SLC35F2: variants seen among roughly 807,000 people sequenced by gnomAD.
The protein encoded by SLC35F2 is queuine/queuosine transporter SLC35F2.
In SLC35F2, 25 loss-of-function variants were observed where a neutral mutation model predicts 38.1. That is an observed-to-expected ratio of 0.66 (90% CI 0.48 to 0.92). The LOEUF (loss-of-function observed/expected upper bound fraction) is 0.92, where lower values mean the gene tolerates loss of function less well. SLC35F2 is among the 40% of genes least tolerant of loss of function. The pLI, the probability that SLC35F2 is intolerant of heterozygous loss-of-function variation, is 0.00. For missense variants in SLC35F2, 409 were observed against 452.9 expected (o/e 0.90, Z 0.88); for synonymous variants, 173 against 181.7 (o/e 0.95, Z 0.38).
chr11:107,845,431 G>T (rs147929302), intron 1 of SLC35F2, among the ~76,000 whole-genome samples: 2 of 151,802 alleles, frequency 1.3e-5, no homozygotes, highest in African/African-American at 4.8e-5. Context: ...TGAGGCTGGA[G>T]GATTGCTTGA....
intron 1 of SLC35F2, among the ~76,000 whole-genome samples, chr11:107,843,858 AAAAAAAAAAAAT>A (rs1170601231): frequency 2.5e-5 from 1 of 39,322 alleles, no homozygotes; most frequent in African/African-American, 7.9e-5. Flanking sequence ...AAAAAAAAAA[AAAAAAAAAAAAT>A]ATATATATAT....
At chr11:107,822,169 G>A (rs1347476983) in intron 1 of SLC35F2, among the ~76,000 whole-genome samples, 2 of 152,176 alleles carry the variant, frequency 1.3e-5, no homozygotes, top group East Asian at 1.9e-4. Context: ...CTTGAACCCA[G>A]GAGGCAGAGG....
chr11:107,793,105 C>T (rs1353790300), intron 7 of SLC35F2, among the ~76,000 whole-genome samples: 1 of 151,820 alleles, frequency 6.6e-6, no homozygotes, highest in African/African-American at 2.4e-5. Flanking sequence ...TCTGTAGAGA[C>T]GGGGTTTTTC....
chr11:107,838,473 C>T (rs1460429003), intron 1 of SLC35F2, among the ~76,000 whole-genome samples: 1 of 151,280 alleles, frequency 6.6e-6, no homozygotes, highest in Non-Finnish European at 1.5e-5. Context: ...TACAGGCGCC[C>T]GCCACCACGC....
chr11:107,804,773 A>G lies in SLC35F2; in HGVS notation c.732-3T>C, dbSNP rs1015001786. 4.4e-6 allele frequency: 7 copies of G among 1,604,064 alleles called. No homozygotes were observed. Among genetic ancestry groups the G allele is most frequent in the East Asian group, 2.3e-5 (1 of 44,404 alleles). On this transcript the variant is annotated splice_polypyrimidine_tract_variant and splice_region_variant and intron_variant, in intron 5 of 7. Transcript: ENST00000525815. ...TATCCTTATATTCCACAATCAATCTAAGATTAAAACAAGAGGTCACAGAGA... is the reference window on the plus strand; with the variant it reads ...TATCCTTATATTCCACAATCAATCTGAGATTAAAACAAGAGGTCACAGAGA...
Position 107,817,972 on chromosome 11 carries a change from G to A in SLC35F2, c.111-2007C>T, listed in dbSNP as rs142292618. 5.8e-3 allele frequency among the ~76,000 whole-genome samples: 869 copies of A among 150,102 alleles called. 8 individuals are homozygous for A. The highest frequency in any genetic ancestry group is 0.02 in the African/African-American group (828 of 40,878). Reference sequence around the variant, plus strand: ...CTCAGCAGGCTGAGGCAGGAGAATCGCTTGAACCCGGGAGGCGGAGTTTGC... The same window carrying A: ...CTCAGCAGGCTGAGGCAGGAGAATCACTTGAACCCGGGAGGCGGAGTTTGC... On this transcript the variant is annotated intron_variant, in intron 1 of 7. Transcript: ENST00000525815.
At chr11:107,843,071 G>C (rs1445421909) in intron 1 of SLC35F2, among the ~76,000 whole-genome samples, 2 of 152,194 alleles carry the variant, frequency 1.3e-5, no homozygotes, top group East Asian at 1.9e-4. Flanking sequence ...CCAGATTATA[G>C]AGCATGATAT....
chr11:107,833,245 G>T (rs1859877464), intron 1 of SLC35F2, among the ~76,000 whole-genome samples: 1 of 152,092 alleles, frequency 6.6e-6, no homozygotes, highest in Non-Finnish European at 1.5e-5. Flanking sequence ...GAAATGGCTG[G>T]ATGCGGTGTC....
At chr11:107,808,852 T>C (rs1178476375) in intron 3 of SLC35F2, among the ~76,000 whole-genome samples, 1 of 152,220 alleles carries the variant, frequency 6.6e-6, no homozygotes, top group African/African-American at 2.4e-5. Context: ...AAATCTCAAC[T>C]ACATTCCTTA....
chr11:107,820,873 T>C (rs1193909970), intron 1 of SLC35F2, among the ~76,000 whole-genome samples: 1 of 152,118 alleles, frequency 6.6e-6, no homozygotes, highest in Admixed American at 6.6e-5. Flanking sequence ...GGAGAATTGC[T>C]TGAACCTGGG....
At chr11:107,824,090 G>A (rs1294113201) in intron 1 of SLC35F2, 2 of 770,056 alleles carry the variant, frequency 2.6e-6, no homozygotes, top group Non-Finnish European at 3.2e-6. Flanking sequence ...AGCATGAGTA[G>A]CTTGCAATTG....
At chr11:107,819,875 T>C (rs781353774) in intron 1 of SLC35F2, among the ~76,000 whole-genome samples, 1 of 152,160 alleles carries the variant, frequency 6.6e-6, no homozygotes. Flanking sequence ...ATGGAGAAGA[T>C]GACTCAGAGT....
At chr11:107,856,722 C>T (rs116127987) in intron 1 of SLC35F2, among the ~76,000 whole-genome samples, 8 of 140,456 alleles carry the variant, frequency 5.7e-5, no homozygotes, top group Admixed American at 1.5e-4. Flanking sequence ...AATGAGACTC[C>T]GTCAGGAGGG....
At chr11:107,818,656 T>C (rs1859620800) in intron 1 of SLC35F2, among the ~76,000 whole-genome samples, 1 of 152,194 alleles carries the variant, frequency 6.6e-6, no homozygotes, top group African/African-American at 2.4e-5. Context: ...GCCATCCATA[T>C]TGATACATGA....
intron 1 of SLC35F2, among the ~76,000 whole-genome samples, chr11:107,857,851 G>A (rs1210067445): frequency 1.6e-4 from 24 of 152,148 alleles, no homozygotes; most frequent in Non-Finnish European, 2.9e-4. Flanking sequence ...TATAACAATA[G>A]TACCATCTCC....
rs577034300 is a variant in SLC35F2 at position 107,803,911 on chromosome 11, C to T, written c.785-756G>A. On this transcript the variant is annotated intron_variant, in intron 6 of 7. Transcript: ENST00000525815. ...CGCAATCTCAGCTCACTGCAACCTCCGCCTCCCAGGTTCAAGTGATTCTCC... is the reference window on the plus strand; with the variant it reads ...CGCAATCTCAGCTCACTGCAACCTCTGCCTCCCAGGTTCAAGTGATTCTCC... Among the ~76,000 whole-genome samples the T allele has an allele frequency of 1.5e-4, 23 of 152,076 alleles. No individual in the cohort carries two copies. In the East Asian group the frequency reaches 3.5e-3, roughly 23 times the overall value.
In SLC35F2 at chr11:107,802,986, G is replaced by A; in HGVS notation, c.939+15C>T. On this transcript the variant is annotated intron_variant, in intron 7 of 7. Transcript: ENST00000525815. Reference sequence around the variant, plus strand: ...CAAGCAAGTATTCTTATTTGAACGTGATCTATTTGTTTACCTTATAGCCAA... The same window carrying A: ...CAAGCAAGTATTCTTATTTGAACGTAATCTATTTGTTTACCTTATAGCCAA... 2.5e-6 allele frequency: 4 copies of A among 1,593,418 alleles called. No homozygotes were observed. Among genetic ancestry groups the A allele is most frequent in the Non-Finnish European group, 3.4e-6 (4 of 1,172,992 alleles).
At chr11:107,807,543 C>T (rs555928320) in intron 3 of SLC35F2, among the ~76,000 whole-genome samples, 2 of 151,510 alleles carry the variant, frequency 1.3e-5, no homozygotes, top group East Asian at 3.9e-4. Context: ...TCTATGCTCC[C>T]ACCTGTGTAT....
Position 107,815,778 on chromosome 11 carries a change from C to T in SLC35F2, c.286+12G>A, listed in dbSNP as rs372083254. ...AATTTTGTTGAAAAGATAATTTCCA[C>T]ATTTGACATACCTGATCGAAATGCC... On this transcript the variant is annotated intron_variant, in intron 2 of 7. Transcript: ENST00000525815. 3.2e-6 allele frequency: 5 copies of T among 1,572,180 alleles called. No homozygotes were observed. The highest frequency in any genetic ancestry group is 4.3e-6 in the Non-Finnish European group (5 of 1,160,728).
Sources: gnomAD v4.1 joint callset for allele counts (sites outside exome capture counted in the v4.1 genomes callset) on GRCh38, gnomAD v4.1.1 for gene constraint, MANE v1.5 for transcripts, NCBI Gene and HGNC (gene_info 2026-07-23, HGNC 2026-07-21) for gene names.